The following SLC6A20 variants were observed in gnomAD, a reference collection of about 807,000 sequenced individuals.
The protein encoded by SLC6A20 is solute carrier family 6 member 20.
Under a neutral mutation model 64.3 loss-of-function variants are expected in SLC6A20, and 73 were observed. That is an observed-to-expected ratio of 1.14 (90% confidence interval 0.94 to 1.38). SLC6A20 has a LOEUF of 1.38. Ranked by LOEUF, SLC6A20 falls within the 40% of genes most tolerant of loss-of-function variation. The probability of loss-of-function intolerance (pLI) is 0.00; values close to 1 mark genes in which losing one functional copy is unlikely to be tolerated. For synonymous variants in SLC6A20, 347 were observed against 329.6 expected (o/e 1.05, Z -0.57); for missense variants, 725 against 772.8 (o/e 0.94, Z 0.73).
intron 9 of SLC6A20, among the ~76,000 whole-genome samples, chr3:45,762,425 A>G (rs1370146965): frequency 3.3e-5 from 5 of 152,248 alleles, no homozygotes; most frequent in African/African-American, 1.2e-4. Flanking sequence ...CTCTTGCCCC[A>G]GCTGCACATT....
chr3:45,763,398 G>A (rs529738950), intron 8 of SLC6A20, among the ~76,000 whole-genome samples: 3 of 152,334 alleles, frequency 2.0e-5, no homozygotes, highest in East Asian at 1.9e-4. Flanking sequence ...CGCCCAGGCT[G>A]TGGGTCTACA....
At chr3:45,767,758 G>C (rs1206540830) in intron 7 of SLC6A20, among the ~76,000 whole-genome samples, 2 of 152,172 alleles carry the variant, frequency 1.3e-5, no homozygotes, top group Non-Finnish European at 2.9e-5. Flanking sequence ...AGATTGCAGA[G>C]GCCAAAGACG....
At chr3:45,793,925 G>A (rs73062389) in intron 1 of SLC6A20, among the ~76,000 whole-genome samples, 6,116 of 150,228 alleles carry the variant, frequency 0.041, 174 homozygotes, top group Middle Eastern at 0.086. Context: ...ATCCTCTAGC[G>A]TCATTTATTC....
At chr3:45,793,940 G>A (rs988016086) in intron 1 of SLC6A20, among the ~76,000 whole-genome samples, 3 of 152,166 alleles carry the variant, frequency 2.0e-5, no homozygotes, top group Non-Finnish European at 4.4e-5. Flanking sequence ...TTATTCTGTG[G>A]CTTTTCCTAA....
In SLC6A20 at chr3:45,765,351, G is replaced by A. The variant is rs886355708; in HGVS notation, c.1303+186C>T. The stretch of plus-strand genomic sequence containing the variant: ...TTCCCTGTGATGTGGAGAATGGAAC[G>A]CACAGGGTGAATCACATGGCCCAGG... On this transcript the variant is annotated intron_variant, in intron 8 of 10. Transcript: ENST00000358525. This position sits in a 1 kb window ranked among gnomAD's most constrained non-coding sequence, Gnocchi z 4.2. Among the ~76,000 whole-genome samples the A allele has an allele frequency of 6.6e-6, 1 of 152,164 alleles. No homozygotes were observed. The highest frequency in any genetic ancestry group is 1.5e-5 in the Non-Finnish European group (1 of 68,008).
At chr3:45,785,725 G>T (rs1408342119) in intron 1 of SLC6A20, among the ~76,000 whole-genome samples, 1 of 151,762 alleles carries the variant, frequency 6.6e-6, no homozygotes, top group Non-Finnish European at 1.5e-5. Flanking sequence ...CATGTGTGGA[G>T]ATTAAATACA....
chr3:45,760,505 A>C (rs761368960), intron 9 of SLC6A20, among the ~76,000 whole-genome samples: 25 of 151,876 alleles, frequency 1.6e-4, no homozygotes, highest in Non-Finnish European at 3.5e-4. Context: ...TTGAAACCAG[A>C]GCAGGTTTTC....
chr3:45,782,563 C>T (rs574358482), intron 1 of SLC6A20, among the ~76,000 whole-genome samples: 3 of 151,854 alleles, frequency 2.0e-5, no homozygotes, highest in Admixed American at 6.6e-5. Flanking sequence ...ATCCATCCTT[C>T]CTTCCTTCCA....
At position 45,765,508 on chromosome 3, in the gene SLC6A20, T is replaced by C; in HGVS notation, c.1303+29A>G. On this transcript the variant is annotated intron_variant, in intron 8 of 10. Transcript: ENST00000358525. The surrounding 1 kb of genome is among the most constrained non-coding windows in gnomAD (Gnocchi z 4.2). ...CCCACGCCTTGGCCCTCCTGACCCC[T>C]GCCTCCTCCACTGGCTGGCCCCGCT... 1 of 1,596,798 alleles carries C rather than the reference T, an allele frequency of 6.3e-7. No homozygotes were observed. The highest frequency in any genetic ancestry group is 8.5e-7 in the Non-Finnish European group (1 of 1,172,072).
chr3:45,769,513 GATAA>G (rs1354351863), intron 7 of SLC6A20, among the ~76,000 whole-genome samples: 1 of 150,814 alleles, frequency 6.6e-6, no homozygotes, highest in Non-Finnish European at 1.5e-5. Context: ...TAAGGGAATG[GATAA>G]ATAAATTGCA....
intron 9 of SLC6A20, among the ~76,000 whole-genome samples, chr3:45,760,758 G>A (rs551149443): frequency 1.2e-4 from 18 of 152,340 alleles, no homozygotes; most frequent in African/African-American, 4.3e-4. Context: ...TTGAATACAC[G>A]TACACAGTAT....
chr3:45,761,832 A>G (rs1246071485), intron 9 of SLC6A20, among the ~76,000 whole-genome samples: 2 of 152,136 alleles, frequency 1.3e-5, no homozygotes, highest in Admixed American at 1.3e-4. Context: ...AAAGACATCA[A>G]TTTGGCTTTG....
At chr3:45,782,483 T>A (rs1264060205) in intron 1 of SLC6A20, among the ~76,000 whole-genome samples, 2 of 152,072 alleles carry the variant, frequency 1.3e-5, no homozygotes, top group Non-Finnish European at 2.9e-5. Context: ...CATCCTTCCA[T>A]CCAACCATCC....
intron 2 of SLC6A20, among the ~76,000 whole-genome samples, chr3:45,781,319 A>T (rs938499297): frequency 1.3e-5 from 2 of 152,174 alleles, no homozygotes; most frequent in South Asian, 2.1e-4. Flanking sequence ...TGCATCTGCA[A>T]CCAGGTCACA....
In SLC6A20 at chr3:45,785,613, T is replaced by TTCTCTCTCTCTCTCTCTCTCTC. The variant is rs60563353; in HGVS notation, c.122-3412_122-3391dup. The stretch of plus-strand genomic sequence containing the variant: ...GAGTTAATACTTAATAAACTCCCCT[T>TTCTCTCTCTCTCTCTCTCTCTC]TCTCTCTCTCTCTCTCTCTCTCTCT... On this transcript the variant is annotated intron_variant, in intron 1 of 10. Transcript: ENST00000358525. Among the ~76,000 whole-genome samples the TTCTCTCTCTCTCTCTCTCTCTC allele has an allele frequency of 9.8e-4, 138 of 141,080 alleles. 2 individuals are homozygous for TTCTCTCTCTCTCTCTCTCTCTC. The South Asian group carries it at 0.016, about 17-fold the overall frequency. The allele number at this position is 141,080 out of a possible 152,430, so 92.6% of individuals were successfully genotyped here.
intron 4 of SLC6A20, among the ~76,000 whole-genome samples, chr3:45,773,135 GA>G (rs201386269): frequency 2.0e-5 from 3 of 151,390 alleles, no homozygotes; most frequent in East Asian, 1.9e-4. Context: ...CAATTAAAAG[GA>G]AAAAAAAATC....
chr3:45,780,096 G>T lies in SLC6A20; in HGVS notation c.267C>A (p.Val89=), dbSNP rs370822904. ...GGAAGAAAGAGACCACCACGCTGGC[G>T]ACCCCTGCGAGGAAGCAGAGGGCCG... ...TISPYLSGVG[V]ASVVVSFFLS... Residue 89 remains valine, a synonymous_variant, in exon 3 of 11, where the codon GTC becomes GTA. Transcript: ENST00000358525. 6.3e-7 allele frequency: 1 copy of T among 1,589,348 alleles called. No individual in the cohort carries two copies. The highest frequency in any genetic ancestry group is 8.6e-7 in the Non-Finnish European group (1 of 1,167,436).
At chr3:45,766,518 G>A (rs1168395976) in intron 7 of SLC6A20, among the ~76,000 whole-genome samples, 1 of 152,254 alleles carries the variant, frequency 6.6e-6, no homozygotes, top group Non-Finnish European at 1.5e-5. Context: ...GGTGGCAGAT[G>A]TTGGACTGTC....
In SLC6A20 at chr3:45,774,880, A is replaced by G. The variant is rs570053948; in HGVS notation, c.582+881T>C. Reference sequence around the variant, plus strand: ...ACTAGCTGTGCCCTTGGGCAGGTCAATTTACCTCTCTAAGCTTCAGGTAAC... The same window carrying G: ...ACTAGCTGTGCCCTTGGGCAGGTCAGTTTACCTCTCTAAGCTTCAGGTAAC... On this transcript the variant is annotated intron_variant, in intron 4 of 10. Transcript: ENST00000358525. Among the ~76,000 whole-genome samples the G allele has an allele frequency of 3.9e-5, 6 of 152,320 alleles. No homozygotes were observed. In the South Asian group the frequency reaches 1.2e-3, roughly 32 times the overall value.
Sources: gnomAD v4.1 joint callset for allele counts (sites outside exome capture counted in the v4.1 genomes callset) on GRCh38, gnomAD v4.1.1 for gene constraint, Gnocchi (gnomAD v3.1) non-coding constraint, MANE v1.5 for transcripts, NCBI Gene and HGNC (gene_info 2026-07-23, HGNC 2026-07-21) for gene names.